SNTG1: variants seen among roughly 807,000 people sequenced by gnomAD.
SNTG1 encodes gamma-1-syntrophin.
In SNTG1, 39 loss-of-function variants were observed where a neutral mutation model predicts 74.7. That is an observed-to-expected ratio of 0.52 (90% confidence interval 0.40 to 0.68). SNTG1 has a LOEUF of 0.68. Ranked by LOEUF, SNTG1 falls within the 30% of genes least tolerant of loss-of-function variation. The probability of loss-of-function intolerance (pLI) is 0.00; values close to 1 mark genes in which losing one functional copy is unlikely to be tolerated. For synonymous variants in SNTG1, 254 were observed against 217.1 expected (o/e 1.17, Z -1.49); for missense variants, 685 against 609.5 (o/e 1.12, Z -1.30).
chr8:50,054,075 A>T (rs1307651583), intron 1 of SNTG1, among the ~76,000 whole-genome samples: 3 of 152,042 alleles, frequency 2.0e-5, no homozygotes, highest in East Asian at 3.9e-4. Flanking sequence ...TATAATATTG[A>T]TTCTCAATAA....
At chr8:50,138,668 A>AATG (rs1358822158) in intron 1 of SNTG1, among the ~76,000 whole-genome samples, 1 of 140,160 alleles carries the variant, frequency 7.1e-6, no homozygotes, top group Non-Finnish European at 1.5e-5. Context: ...TAATAATAAT[A>AATG]ATTCCTTGAA....
chr8:50,380,518 C>T (rs2092462916), intron 2 of SNTG1, among the ~76,000 whole-genome samples: 1 of 152,170 alleles, frequency 6.6e-6, no homozygotes, highest in Non-Finnish European at 1.5e-5. Flanking sequence ...GACTTTTTAA[C>T]ACTCATCAAG....
At chr8:50,131,484 C>A (rs2081314977) in intron 1 of SNTG1, among the ~76,000 whole-genome samples, 2 of 152,012 alleles carry the variant, frequency 1.3e-5, no homozygotes, top group South Asian at 4.2e-4. Context: ...ATGGATGTTG[C>A]TGCAAGTGAC....
chr8:50,549,656 T>A (rs2623224), intron 11 of SNTG1, among the ~76,000 whole-genome samples: 21,531 of 152,130 alleles, frequency 0.14, 1,657 homozygotes, highest in African/African-American at 0.19. Flanking sequence ...CCTTGTCCGA[T>A]CACCAACTTC....
intron 9 of SNTG1, among the ~76,000 whole-genome samples, chr8:50,525,784 T>C (rs941666624): frequency 2.6e-5 from 4 of 152,100 alleles, no homozygotes; most frequent in African/African-American, 9.7e-5. Context: ...GTTTTTGTTT[T>C]AGCACACTGA....
intron 15 of SNTG1, among the ~76,000 whole-genome samples, chr8:50,700,891 G>T (rs1027808875): frequency 8.5e-5 from 13 of 152,172 alleles, no homozygotes; most frequent in Admixed American, 3.3e-4. Context: ...GAAGTTTTCA[G>T]AGATGCTGAA....
At chr8:50,615,976 G>A (rs141943363) in intron 13 of SNTG1, among the ~76,000 whole-genome samples, 106 of 152,332 alleles carry the variant, frequency 7.0e-4, no homozygotes, top group African/African-American at 2.3e-3. Context: ...CAGGCCAGCA[G>A]ACAGAAAGTG....
At chr8:50,692,905 C>T (rs1450137211) in intron 15 of SNTG1, among the ~76,000 whole-genome samples, 1 of 152,244 alleles carries the variant, frequency 6.6e-6, no homozygotes, top group Non-Finnish European at 1.5e-5. Context: ...CCACCCAGTT[C>T]CAGCTTCCTG....
intron 13 of SNTG1, among the ~76,000 whole-genome samples, chr8:50,647,954 C>T (rs776953765): frequency 5.9e-5 from 9 of 151,836 alleles, no homozygotes; most frequent in Non-Finnish European, 1.2e-4. Flanking sequence ...CTGTGATACT[C>T]ATAGGAAGAA....
At chr8:50,654,299 C>T (rs1215853074) in intron 13 of SNTG1, among the ~76,000 whole-genome samples, 2 of 152,092 alleles carry the variant, frequency 1.3e-5, no homozygotes, top group Admixed American at 1.3e-4. Flanking sequence ...AATCATCATT[C>T]TAGACCTTTT....
At chr8:50,115,372 G>A (rs1377377348) in intron 1 of SNTG1, among the ~76,000 whole-genome samples, 1 of 151,674 alleles carries the variant, frequency 6.6e-6, no homozygotes. Flanking sequence ...TTCAAGATCA[G>A]CCTGGCTAAC....
At chr8:49,935,394 T>C (rs1420916109) in intron 1 of SNTG1, among the ~76,000 whole-genome samples, 2 of 140,752 alleles carry the variant, frequency 1.4e-5, no homozygotes, top group African/African-American at 5.5e-5. Context: ...ATTAATTCCT[T>C]TTTTTTTTTT....
At chr8:50,377,934 C>T (rs1249562225) in intron 2 of SNTG1, among the ~76,000 whole-genome samples, 1 of 152,188 alleles carries the variant, frequency 6.6e-6, no homozygotes, top group Non-Finnish European at 1.5e-5. Flanking sequence ...AATAATAATG[C>T]TATGGGATGC....
chr8:50,255,330 G>A (rs1358682999), intron 2 of SNTG1, among the ~76,000 whole-genome samples: 1 of 152,076 alleles, frequency 6.6e-6, no homozygotes, highest in Non-Finnish European at 1.5e-5. Context: ...TATAAATTAT[G>A]TCAAGTTTCT....
At chr8:50,448,935 G>A (rs1339733249) in intron 5 of SNTG1, among the ~76,000 whole-genome samples, 1 of 152,244 alleles carries the variant, frequency 6.6e-6, no homozygotes, top group African/African-American at 2.4e-5. Context: ...GGCTGAGGCA[G>A]GAGGATGGCG....
intron 1 of SNTG1, among the ~76,000 whole-genome samples, chr8:49,912,585 T>C (rs952125844): frequency 9.2e-5 from 14 of 152,230 alleles, no homozygotes; most frequent in African/African-American, 1.7e-4. Flanking sequence ...CTGTGTTACA[T>C]AGTATGCAAG....
chr8:50,444,580 A>G (rs1247465527), intron 5 of SNTG1, among the ~76,000 whole-genome samples: 1 of 151,804 alleles, frequency 6.6e-6, no homozygotes, highest in Non-Finnish European at 1.5e-5. Flanking sequence ...TGAAACTCCA[A>G]CTCTACTAAA....
At chr8:50,586,859 A>T (rs1376733155) in intron 12 of SNTG1, among the ~76,000 whole-genome samples, 1 of 152,096 alleles carries the variant, frequency 6.6e-6, no homozygotes, top group African/African-American at 2.4e-5. Flanking sequence ...AAAAAAAAGT[A>T]AAGATTAAAC....
At chr8:50,217,800 A>T (rs2084867121) in intron 2 of SNTG1, among the ~76,000 whole-genome samples, 1 of 152,160 alleles carries the variant, frequency 6.6e-6, no homozygotes, top group African/African-American at 2.4e-5. Context: ...TGTTGTTCTG[A>T]TCTCCAGCTC....
Sources: gnomAD v4.1 joint callset for allele counts (sites outside exome capture counted in the v4.1 genomes callset) on GRCh38, gnomAD v4.1.1 for gene constraint, MANE v1.5 for transcripts, NCBI Gene and HGNC (gene_info 2026-07-23, HGNC 2026-07-21) for gene names.